CACNA1C: variants seen among roughly 807,000 people sequenced by gnomAD.
CACNA1C encodes calcium voltage-gated channel subunit alpha1 C.
A neutral mutation model predicts 229.0 loss-of-function variants in CACNA1C; 30 were observed. The observed-to-expected ratio is 0.13, with a 90% CI of 0.10 to 0.18. The LOEUF (loss-of-function observed/expected upper bound fraction) is 0.18, where lower values mean the gene tolerates loss of function less well. CACNA1C is among the 10% of genes least tolerant of loss of function. CACNA1C has a pLI of 1.00. For synonymous variants in CACNA1C, 1,114 were observed against 1,132.5 expected, an observed-to-expected ratio of 0.98 and a Z score of 0.33; for missense variants, 1,658 against 2,845.0, an observed-to-expected ratio of 0.58 and a Z score of 9.49.
At chr12:2,326,404 T>C (rs2096294132) in intron 3 of CACNA1C, among the ~76,000 whole-genome samples, 1 of 152,220 alleles carries the variant, frequency 6.6e-6, no homozygotes, top group Non-Finnish European at 1.5e-5. Flanking sequence ...TTTAACCAGC[T>C]CTTCTAGCAA....
At chr12:2,073,962 A>C (rs1303842865) in intron 1 of CACNA1C, among the ~76,000 whole-genome samples, 1 of 152,176 alleles carries the variant, frequency 6.6e-6, no homozygotes. Context: ...GAAAGTGTTC[A>C]GTGATGGATT....
At chr12:2,229,758 A>C (rs996523558) in intron 3 of CACNA1C, among the ~76,000 whole-genome samples, 1 of 152,194 alleles carries the variant, frequency 6.6e-6, no homozygotes, top group Non-Finnish European at 1.5e-5. Context: ...TGACAGACGA[A>C]CGGCCTGGCA....
At chr12:2,519,793 A>C (rs979184042) in intron 9 of CACNA1C, among the ~76,000 whole-genome samples, 3 of 152,194 alleles carry the variant, frequency 2.0e-5, no homozygotes, top group Non-Finnish European at 4.4e-5. Flanking sequence ...CATCTCACCC[A>C]AAGCGGGGCG....
intron 1 of CACNA1C, among the ~76,000 whole-genome samples, chr12:2,104,872 G>A (rs2077604248): frequency 6.6e-6 from 1 of 152,198 alleles, no homozygotes; most frequent in Non-Finnish European, 1.5e-5. Context: ...GGAAGCATTT[G>A]GTTATTATGG....
At chr12:2,682,124 A>C (rs2097178521) in intron 42 of CACNA1C, 2 of 911,104 alleles carry the variant, frequency 2.2e-6, no homozygotes, top group Non-Finnish European at 3.5e-6. Flanking sequence ...TCAAAATAAG[A>C]GGCCAAGGAC....
intron 4 of CACNA1C, among the ~76,000 whole-genome samples, chr12:2,450,525 G>T (rs554549847): frequency 8.4e-6 from 1 of 118,694 alleles, no homozygotes; most frequent in Non-Finnish European, 1.6e-5. Flanking sequence ...CTGCACTCCA[G>T]CCTGGGCAAC....
chr12:2,549,350 G>T (rs1439777755), intron 9 of CACNA1C, among the ~76,000 whole-genome samples: 1 of 152,264 alleles, frequency 6.6e-6, no homozygotes, highest in South Asian at 2.1e-4. Flanking sequence ...GAATCTTAGT[G>T]CATGGCTCTG....
At chr12:2,126,121 G>GT (rs57155629) in intron 3 of CACNA1C, among the ~76,000 whole-genome samples, 7,066 of 149,904 alleles carry the variant, frequency 0.047, 458 homozygotes, top group African/African-American at 0.15. Context: ...CCAGAATAGA[G>GT]TTTTTTTTTT....
In CACNA1C at chr12:2,067,232, T is replaced by C. The variant is rs925597331; in HGVS notation, c.49+13621T>C. 2.0e-5 allele frequency among the ~76,000 whole-genome samples: 3 copies of C among 152,040 alleles called. No homozygotes were observed. The highest frequency in any genetic ancestry group is 4.4e-5 in the Non-Finnish European group (3 of 67,992). On this transcript the variant is annotated intron_variant, in intron 1 of 46. Transcript: ENST00000399655. This position sits in a 1 kb window ranked among gnomAD's most constrained non-coding sequence, Gnocchi z 5.3. Reference sequence around the variant, plus strand: ...ATGCAGGAGCCAGGATGCATCGTTTTAGTGGGAGTCAGGGAGTCTGAATCC... The same window carrying C: ...ATGCAGGAGCCAGGATGCATCGTTTCAGTGGGAGTCAGGGAGTCTGAATCC...
At chr12:2,371,246 T>C (rs1395901355) in intron 3 of CACNA1C, among the ~76,000 whole-genome samples, 1 of 152,012 alleles carries the variant, frequency 6.6e-6, no homozygotes, top group Non-Finnish European at 1.5e-5. Context: ...AATGGTGAGC[T>C]CACCAGGACA....
intron 3 of CACNA1C, among the ~76,000 whole-genome samples, chr12:2,363,938 G>C (rs1013136632): frequency 6.6e-6 from 1 of 152,204 alleles, no homozygotes; most frequent in African/African-American, 2.4e-5. Flanking sequence ...CTTACTGGCC[G>C]GCCTGCAGGC....
intron 1 of CACNA1C, chr12:2,004,658 C>A: frequency 1.7e-6 from 1 of 575,022 alleles, no homozygotes; most frequent in East Asian, 3.1e-5. Context: ...AACGACAAGC[C>A]CAGGCCTGCC....
chr12:2,539,303 A>C (rs1197971287), intron 9 of CACNA1C, among the ~76,000 whole-genome samples: 1 of 28,904 alleles, frequency 3.5e-5, no homozygotes. Context: ...GGGCTTCATA[A>C]AGATGCAGGC....
At chr12:2,187,254 G>A (rs1247162031) in intron 3 of CACNA1C, among the ~76,000 whole-genome samples, 4 of 152,180 alleles carry the variant, frequency 2.6e-5, no homozygotes, top group South Asian at 2.1e-4. Flanking sequence ...GCACTGCCTA[G>A]CCTCTGTGTG....
At chr12:2,158,860 C>T (rs2095684947) in intron 3 of CACNA1C, among the ~76,000 whole-genome samples, 1 of 152,034 alleles carries the variant, frequency 6.6e-6, no homozygotes, top group South Asian at 2.1e-4. Context: ...GAAATGGGGG[C>T]CAACACAGAA....
intron 39 of CACNA1C, chr12:2,676,188 T>C (rs1337313665): frequency 6.6e-6 from 1 of 152,194 alleles, no homozygotes; most frequent in East Asian, 1.9e-4. Flanking sequence ...TGTCCCACCA[T>C]GCAGTTCTTC....
chr12:2,233,211 C>T (rs1483210631), intron 3 of CACNA1C, among the ~76,000 whole-genome samples: 8 of 152,184 alleles, frequency 5.3e-5, no homozygotes, highest in Admixed American at 5.2e-4. Context: ...TCGTGACTCT[C>T]CCACTTTGAG....
chr12:2,253,609 C>T (rs1361265962), intron 3 of CACNA1C, among the ~76,000 whole-genome samples: 3 of 152,234 alleles, frequency 2.0e-5, no homozygotes, highest in African/African-American at 7.2e-5. Context: ...TTCTTTTCCT[C>T]TTTCTTCATC....
intron 3 of CACNA1C, among the ~76,000 whole-genome samples, chr12:2,226,334 C>T (rs1259991545): frequency 2.6e-5 from 4 of 152,136 alleles, no homozygotes; most frequent in African/African-American, 9.7e-5. Context: ...TAATCATCCC[C>T]ATTGTACATA....
Sources: allele counts gnomAD v4.1 joint callset (sites outside exome capture counted in the v4.1 genomes callset), GRCh38; gene constraint gnomAD v4.1.1; non-coding constraint Gnocchi (gnomAD v3.1); transcripts MANE v1.5; gene names NCBI Gene and HGNC (gene_info 2026-07-23, HGNC 2026-07-21).